Variants in RMND1 observed in about 807,000 individuals in gnomAD.
RMND1 encodes the protein required for meiotic nuclear division protein 1 homolog.
A neutral mutation model predicts 54.0 loss-of-function variants in RMND1; 41 were observed. The observed-to-expected ratio is 0.76, with a 90% CI of 0.59 to 0.98. RMND1 has a LOEUF of 0.98. Ranked by LOEUF, RMND1 falls within the 50% of genes least tolerant of loss-of-function variation. The pLI is 0.00. For missense variants in RMND1, 457 were observed against 532.0 expected (o/e 0.86, Z 1.39); for synonymous variants, 183 against 181.7 (o/e 1.01, Z -0.06).
intron 1 of RMND1, among the ~76,000 whole-genome samples, chr6:151,449,988 G>T (rs964385051): frequency 1.3e-5 from 2 of 152,234 alleles, no homozygotes; most frequent in South Asian, 2.1e-4. Context: ...TGGCGTGATC[G>T]AGGCTCGCTA....
At chr6:151,408,360 C>T (rs1157958113) in intron 10 of RMND1, among the ~76,000 whole-genome samples, 2 of 152,018 alleles carry the variant, frequency 1.3e-5, no homozygotes, top group African/African-American at 4.8e-5. Context: ...GGTGTGGTGG[C>T]AGGCACCTGT....
At chr6:151,408,389 G>A (rs944693049) in intron 10 of RMND1, among the ~76,000 whole-genome samples, 4 of 152,122 alleles carry the variant, frequency 2.6e-5, no homozygotes, top group African/African-American at 9.7e-5. Context: ...CTATTTGGGA[G>A]GCTGAGGCAG....
intron 1 of RMND1, chr6:151,446,126 A>C: frequency 3.9e-6 from 1 of 257,250 alleles, no homozygotes; most frequent in South Asian, 5.6e-5. Context: ...TATCAAGTAT[A>C]TAAAAATCTG....
chr6:151,436,154 C>A, intron 3 of RMND1: 3 of 240,978 alleles, frequency 1.2e-5, no homozygotes, highest in East Asian at 9.8e-5. Flanking sequence ...CACACACAAA[C>A]TAAAATAACT....
chr6:151,450,510 G>A (rs866288369), intron 1 of RMND1, among the ~76,000 whole-genome samples: 3 of 123,744 alleles, frequency 2.4e-5, no homozygotes, highest in African/African-American at 3.5e-5. Flanking sequence ...CCGGCCAGCC[G>A]CCCCGTCCGG....
intron 2 of RMND1, among the ~76,000 whole-genome samples, chr6:151,442,430 T>C (rs1005360045): frequency 6.6e-6 from 1 of 152,216 alleles, no homozygotes; most frequent in African/African-American, 2.4e-5. Context: ...CCTGAAAACA[T>C]TCTCCCTGGT....
intron 1 of RMND1, among the ~76,000 whole-genome samples, chr6:151,451,583 C>T (rs1781199477): frequency 6.6e-6 from 1 of 152,160 alleles, no homozygotes; most frequent in South Asian, 2.1e-4. Flanking sequence ...ATTATATCTC[C>T]TGACAATAGC....
intron 10 of RMND1, among the ~76,000 whole-genome samples, chr6:151,406,411 G>A (rs767439301): frequency 1.3e-5 from 2 of 152,214 alleles, no homozygotes; most frequent in Middle Eastern, 3.4e-3. Flanking sequence ...CGCCCAGGCC[G>A]GAGTGTAATG....
intron 2 of RMND1, among the ~76,000 whole-genome samples, chr6:151,443,287 T>C (rs893857728): frequency 1.3e-5 from 2 of 152,148 alleles, no homozygotes; most frequent in Admixed American, 1.3e-4. Flanking sequence ...AAAATTACAT[T>C]ATCTCAGACC....
intron 5 of RMND1, 147 bp downstream of exon 5, chr6:151,429,991 A>C: frequency 1.7e-6 from 1 of 584,916 alleles, no homozygotes; most frequent in Non-Finnish European, 3.1e-6. Context: ...ATTTTGGAAG[A>C]TGAAACTGAT....
At chr6:151,433,670 AAACT>A (rs1169246096) in intron 3 of RMND1, among the ~76,000 whole-genome samples, 4 of 152,170 alleles carry the variant, frequency 2.6e-5, no homozygotes, top group African/African-American at 9.7e-5. Context: ...TAACATTCCC[AAACT>A]ACTACTCCTG....
intron 1 of RMND1, among the ~76,000 whole-genome samples, 160 bp downstream of exon 1, chr6:151,451,856 T>C (rs1246222775): frequency 6.6e-6 from 1 of 152,084 alleles, no homozygotes; most frequent in Non-Finnish European, 1.5e-5. Flanking sequence ...TGAGTGCTTT[T>C]TACTCCCAGC....
chr6:151,418,681 T>C (rs1204993767), intron 9 of RMND1: 2 of 152,242 alleles, frequency 1.3e-5, no homozygotes, highest in Non-Finnish European at 2.9e-5. Flanking sequence ...TTCCGCTGTA[T>C]CCTTCCAGTG....
intron 1 of RMND1, among the ~76,000 whole-genome samples, chr6:151,450,386 C>T: frequency 6.8e-6 from 1 of 146,580 alleles, no homozygotes; most frequent in South Asian, 2.1e-4. Flanking sequence ...GGCCAGCCAC[C>T]CCATCCGGGA....
At chr6:151,419,440 G>T (rs1246724212) in intron 9 of RMND1, among the ~76,000 whole-genome samples, 1 of 151,694 alleles carries the variant, frequency 6.6e-6, no homozygotes, top group Non-Finnish European at 1.5e-5. Flanking sequence ...GCTCACACCT[G>T]TAATCCCAGC....
chr6:151,434,651 T>C (rs1780547963), intron 3 of RMND1, among the ~76,000 whole-genome samples: 1 of 152,176 alleles, frequency 6.6e-6, no homozygotes, highest in African/African-American at 2.4e-5. Context: ...TGCTTGTTTT[T>C]GTCACCTAAT....
intron 10 of RMND1, among the ~76,000 whole-genome samples, chr6:151,407,935 C>T (rs1019146429): frequency 3.9e-5 from 6 of 151,920 alleles, no homozygotes; most frequent in Non-Finnish European, 7.4e-5. Flanking sequence ...GTCACTATTA[C>T]CACAGCATGC....
rs138222695 is a variant in RMND1, at chr6:151,417,492, CT to C, written c.1080-94del. ...ATATTTACATAGTGCTTTATGAAAA[CT>C]TTTTTTTTTTTGGTAAGAGAGAGGG... is the stretch of plus-strand genomic sequence containing the variant. On this transcript the variant is annotated intron_variant, in intron 9 of 11. Coordinates refer to ENST00000444024, the MANE Select transcript of RMND1 (RefSeq NM_017909.4). 0.18 allele frequency: 139,103 copies of C among 771,598 alleles called. 2,134 individuals are homozygous for C. Among genetic ancestry groups the C allele is most frequent in the South Asian group, 0.25 (10,244 of 40,258 alleles). The allele number at this position is 771,598 out of a possible 1,614,324, so 47.8% of individuals were successfully genotyped here.
intron 10 of RMND1, 47 bp from the exon 11 acceptor site, chr6:151,405,883 G>T (rs769061915): frequency 1.0e-6 from 1 of 960,170 alleles, no homozygotes; most frequent in Non-Finnish European, 1.7e-6. Context: ...AATTTAATAC[G>T]GTCATACACA....
Sources: allele counts gnomAD v4.1 joint callset (sites outside exome capture counted in the v4.1 genomes callset), GRCh38; gene constraint gnomAD v4.1.1; transcripts MANE v1.5; gene names NCBI Gene and HGNC (gene_info 2026-07-23, HGNC 2026-07-21).